The following TMEM229B variants were observed in gnomAD, a reference collection of about 807,000 sequenced individuals.
TMEM229B encodes the protein transmembrane protein 229B, also known as chromosome 14 open reading frame 83.
A neutral mutation model predicts 13.7 loss-of-function variants in TMEM229B; 6 were observed. The ratio of observed to expected loss-of-function variants is 0.44; its 90% CI spans 0.24 to 0.86. TMEM229B has a LOEUF of 0.86. TMEM229B is among the 40% of genes least tolerant of loss of function. The pLI is 0.23. For synonymous variants in TMEM229B, 107 were observed against 102.1 expected (o/e 1.05, Z -0.29); for missense variants, 170 against 236.0 (o/e 0.72, Z 1.83).
chr14:67,515,239 C>A (rs1235579665), exon 1 of TMEM229B: 2 of 152,786 alleles, frequency 1.3e-5, no homozygotes, highest in African/African-American at 2.4e-5. Context: ...CTCCCCGCCC[C>A]CAAGCCCGGC....
upstream of TMEM229B, among the ~76,000 whole-genome samples, chr14:67,520,419 A>C (rs1286593718): frequency 2.6e-5 from 4 of 152,230 alleles, no homozygotes; most frequent in African/African-American, 9.6e-5. Context: ...AATGTCATAT[A>C]GGTGAAATCA....
rs542097651 is a variant in TMEM229B at position 67,523,948 on chromosome 14, A to G, written c.-192+9688T>C. On this transcript the variant is annotated intron_variant, in intron 1 of 2. Transcript: ENST00000554278. ...ACAGGGAGGGAAGAATAGTGACACAAAGAGGGTTTCCAGTGACACAAAGCA... is the reference window on the plus strand; with the variant it reads ...ACAGGGAGGGAAGAATAGTGACACAGAGAGGGTTTCCAGTGACACAAAGCA... 2.0e-5 allele frequency among the ~76,000 whole-genome samples: 3 copies of G among 152,242 alleles called. 1 individual carries two copies. The South Asian group carries it at 6.2e-4, about 32-fold the overall frequency.
chr14:67,509,858 A>G lies in TMEM229B; in HGVS notation c.-192+5228T>C, dbSNP rs193283827. On this transcript the variant is annotated intron_variant, in intron 1 of 2. Coordinates refer to the TMEM229B transcript ENST00000357461. ...ATAAAGACTCTGTCTCCATATAAAC[A>G]ATTTTAAAAGTAGCTAGGTATGGTG... Among the ~76,000 whole-genome samples the G allele has an allele frequency of 1.8e-4, 28 of 152,240 alleles. No individual in the cohort carries two copies. The East Asian group carries it at 4.8e-3, about 26-fold the overall frequency.
chr14:67,484,808 T>C (rs2031782611), intron 2 of TMEM229B, among the ~76,000 whole-genome samples: 1 of 152,184 alleles, frequency 6.6e-6, no homozygotes, highest in South Asian at 2.1e-4. Flanking sequence ...CTAACAGCGA[T>C]TACCATTTCT....
At chr14:67,518,986 T>C (rs11158677), upstream of TMEM229B, among the ~76,000 whole-genome samples, 63,501 of 152,054 alleles carry the variant, frequency 0.42, 13,849 homozygotes, top group East Asian at 0.48. Context: ...GCATTGAAGT[T>C]GAAGCCAATC....
chr14:67,525,463 T>C (rs1054117731), intron 1 of TMEM229B, among the ~76,000 whole-genome samples: 6 of 152,252 alleles, frequency 3.9e-5, no homozygotes, highest in Non-Finnish European at 8.8e-5. Context: ...TGGATCCTTT[T>C]CCCCTCTTTT....
intron 1 of TMEM229B, among the ~76,000 whole-genome samples, chr14:67,500,431 C>T (rs150624872): frequency 8.5e-5 from 13 of 152,056 alleles, no homozygotes; most frequent in African/African-American, 2.7e-4. Context: ...GCTGAGCTCT[C>T]ACCATTGCAC....
upstream of TMEM229B, among the ~76,000 whole-genome samples, chr14:67,517,831 G>A (rs2033231032): frequency 6.6e-6 from 1 of 152,234 alleles, no homozygotes; most frequent in Admixed American, 6.5e-5. Context: ...CAGGGTTAGA[G>A]TGCTAGTAAA....
chr14:67,483,898 G>T (rs12589836), intron 2 of TMEM229B, among the ~76,000 whole-genome samples: 7,197 of 152,300 alleles, frequency 0.047, 212 homozygotes, highest in East Asian at 0.097. Flanking sequence ...CAAGCAAACC[G>T]CAGCAGGAGG....
chr14:67,519,445 T>C (rs144188989), upstream of TMEM229B, among the ~76,000 whole-genome samples: 437 of 152,310 alleles, frequency 2.9e-3, 5 homozygotes, highest in African/African-American at 9.9e-3. Context: ...AATCTTTTCA[T>C]CACTTCTGCT....
chr14:67,508,054 C>T lies in TMEM229B; in HGVS notation c.-192+7032G>A, dbSNP rs567318080. On this transcript the variant is annotated intron_variant, in intron 1 of 2. Transcript: ENST00000357461. ...TCGGGAGGCTGAGGCAGGAGAATTG[C>T]TTGAACCCGGGAGGTGGAGTTTGCT... 4.6e-5 allele frequency among the ~76,000 whole-genome samples: 7 copies of T among 151,280 alleles called. No individual in the cohort carries two copies. In the South Asian group the frequency reaches 1.5e-3, roughly 32 times the overall value.
chr14:67,484,342 C>G (rs1055921287), intron 2 of TMEM229B, among the ~76,000 whole-genome samples: 1 of 152,174 alleles, frequency 6.6e-6, no homozygotes, highest in Non-Finnish European at 1.5e-5. Context: ...AGGCCCAGGC[C>G]CTTAAACACT....
chr14:67,474,123 G>A (rs1191683536), intron 2 of TMEM229B, among the ~76,000 whole-genome samples, 182 bp from the exon 3 acceptor site: 1 of 152,124 alleles, frequency 6.6e-6, no homozygotes, highest in African/African-American at 2.4e-5. Flanking sequence ...GTGGTGGCCC[G>A]CTCCTGTAAT....
chr14:67,487,712 T>A (rs1046279558), intron 1 of TMEM229B, among the ~76,000 whole-genome samples: 16 of 152,202 alleles, frequency 1.1e-4, no homozygotes, highest in Non-Finnish European at 1.6e-4. Flanking sequence ...ACCATTATTA[T>A]GGTTGAGGCC....
intron 1 of TMEM229B, among the ~76,000 whole-genome samples, chr14:67,514,284 A>G (rs1359156430): frequency 9.9e-5 from 15 of 152,156 alleles, no homozygotes. Context: ...AAGGAAGGGA[A>G]AGGGGTCCGT....
chr14:67,514,204 A>G (rs1237064234), intron 1 of TMEM229B, among the ~76,000 whole-genome samples: 1 of 152,126 alleles, frequency 6.6e-6, no homozygotes, highest in African/African-American at 2.4e-5. Context: ...TCCTATCTCC[A>G]AGCTCTGTAC....
chr14:67,496,581 G>C (rs981871155), intron 1 of TMEM229B, among the ~76,000 whole-genome samples: 2 of 151,712 alleles, frequency 1.3e-5, no homozygotes, highest in African/African-American at 4.8e-5. Context: ...AGAAGTAGAC[G>C]TGAGAGAGGT....
At chr14:67,501,859 C>T (rs79147021) in intron 1 of TMEM229B, among the ~76,000 whole-genome samples, 13,190 of 152,262 alleles carry the variant, frequency 0.087, 608 homozygotes, top group African/African-American at 0.11. Context: ...AGCACATTCA[C>T]GTTTCTATGG....
intron 1 of TMEM229B, among the ~76,000 whole-genome samples, chr14:67,507,524 T>G (rs2032870748): frequency 1.3e-5 from 2 of 151,896 alleles, no homozygotes; most frequent in African/African-American, 4.8e-5. Flanking sequence ...TCACAGCTCA[T>G]TGCAGCCTCG....
Sources: gnomAD v4.1 joint callset for allele counts (sites outside exome capture counted in the v4.1 genomes callset) on GRCh38, gnomAD v4.1.1 for gene constraint, MANE v1.5 for transcripts, NCBI Gene and HGNC (gene_info 2026-07-23, HGNC 2026-07-21) for gene names.